The following PCDHGA2 variants were observed in gnomAD, a reference collection of about 807,000 sequenced individuals.
The protein encoded by PCDHGA2 is protocadherin gamma-A2.
Under a neutral mutation model 59.2 loss-of-function variants are expected in PCDHGA2, and 40 were observed. That is an observed-to-expected ratio of 0.68 (90% CI 0.52 to 0.88). The LOEUF (loss-of-function observed/expected upper bound fraction) is 0.88, where lower values mean the gene tolerates loss of function less well. Among genes scored for constraint, PCDHGA2 ranks in the 40% least tolerant of loss-of-function variants. PCDHGA2 has a pLI of 0.00. For missense variants in PCDHGA2, 1,226 were observed against 1,204.0 expected, an observed-to-expected ratio of 1.02 and a Z score of -0.27; for synonymous variants, 560 against 526.0, an observed-to-expected ratio of 1.06 and a Z score of -0.89.
chr5:141,423,656 A>G (rs988976310), intron 1 of PCDHGA2: 2 of 1,571,854 alleles, frequency 1.3e-6, no homozygotes, highest in African/African-American at 1.4e-5. Context: ...CCGACAAGTA[A>G]TCAGGTGAGA....
intron 1 of PCDHGA2, chr5:141,393,859 T>A (rs1348760722): frequency 1.9e-6 from 3 of 1,613,994 alleles, no homozygotes; most frequent in Non-Finnish European, 2.5e-6. Flanking sequence ...GAAGTGATCA[T>A]TACGTCTTTG....
intron 1 of PCDHGA2, chr5:141,412,426 A>G (rs1051574976): frequency 2.6e-5 from 4 of 152,234 alleles, no homozygotes; most frequent in African/African-American, 9.6e-5. Context: ...GTTTTACACA[A>G]AAAGGTTAAT....
At chr5:141,404,114 G>C (rs2094486353) in intron 1 of PCDHGA2, 4 of 1,613,348 alleles carry the variant, frequency 2.5e-6, no homozygotes, top group Non-Finnish European at 3.4e-6. Context: ...TTCTATCCAG[G>C]AGAATCTATC....
chr5:141,372,196 A>G lies in PCDHGA2; in HGVS notation c.2424+30801A>G, dbSNP rs1362728407. ...GCGGTGGACGCAGACTCGGGATACA[A>G]CGCCTGGCTGTCCTACCACATTGTG... On this transcript the variant is annotated intron_variant, in intron 1 of 3. Coordinates refer to ENST00000394576, the MANE Select transcript of PCDHGA2 (RefSeq NM_018915.4). 8 of 1,613,504 alleles carry G rather than the reference A, an allele frequency of 5.0e-6. No individual in the cohort carries two copies. The East Asian group carries it at 1.3e-4, about 27-fold the overall frequency.
At position 141,486,417 on chromosome 5, in the gene PCDHGA2, G is replaced by T. The variant is rs1298448753; in HGVS notation, c.2425-8390G>T. On this transcript the variant is annotated intron_variant, in intron 1 of 3. Transcript: ENST00000394576. The surrounding 1 kb of genome is among the most constrained non-coding windows in gnomAD (Gnocchi z 5.0). ...CTGGTGACTGCTGGACCCTTGGATCGAGAGGCCAAATCTAGCTATGACATC... is the reference window on the plus strand; with the variant it reads ...CTGGTGACTGCTGGACCCTTGGATCTAGAGGCCAAATCTAGCTATGACATC... The T allele has an allele frequency of 6.2e-7, 1 of 1,614,014 alleles. No homozygotes were observed. The highest frequency in any genetic ancestry group is 1.7e-5 in the Admixed American group (1 of 60,010).
intron 1 of PCDHGA2, chr5:141,375,613 C>T (rs770657408): frequency 1.2e-6 from 2 of 1,614,226 alleles, no homozygotes; most frequent in Non-Finnish European, 1.7e-6. Context: ...TCAACTCCGA[C>T]ACTGGGATTC....
chr5:141,421,574 A>C, intron 1 of PCDHGA2: 1 of 1,613,924 alleles, frequency 6.2e-7, no homozygotes. Flanking sequence ...GACACCTTGA[A>C]GATTTACGGA....
chr5:141,469,395 T>G lies in PCDHGA2; in HGVS notation c.2425-25412T>G, dbSNP rs1332746609. ...ATCGAGACCATCCTGGCCAACATGG[T>G]GAAACCCCGTTTCTACTAAAAATAT... On this transcript the variant is annotated intron_variant, in intron 1 of 3. Transcript: ENST00000394576. Among the ~76,000 whole-genome samples, 6 of 152,194 alleles carry G rather than the reference T, an allele frequency of 3.9e-5. No homozygotes were observed. The East Asian group carries it at 1.2e-3, about 29-fold the overall frequency.
intron 1 of PCDHGA2, among the ~76,000 whole-genome samples, chr5:141,346,841 A>C (rs1757815413): frequency 6.6e-6 from 1 of 152,198 alleles, no homozygotes; most frequent in Non-Finnish European, 1.5e-5. Context: ...GGCCTTTTTC[A>C]TTTTAAATCC....
At chr5:141,481,282 T>C (rs2099534931) in intron 1 of PCDHGA2, among the ~76,000 whole-genome samples, 1 of 152,148 alleles carries the variant, frequency 6.6e-6, no homozygotes, top group African/African-American at 2.4e-5. Flanking sequence ...CATAAAATGG[T>C]ATTTCAGTCA....
At chr5:141,383,656 G>A in intron 1 of PCDHGA2, 1 of 1,614,008 alleles carries the variant, frequency 6.2e-7, no homozygotes, top group South Asian at 1.1e-5. Context: ...AACTGTCCCC[G>A]AGAATGTGCC....
intron 1 of PCDHGA2, chr5:141,384,884 T>C (rs759644846): frequency 6.2e-7 from 1 of 1,613,846 alleles, no homozygotes; most frequent in East Asian, 2.2e-5. Context: ...ACACTCACCG[T>C]GGCTGTGGCT....
Position 141,415,114 on chromosome 5 carries a change from G to A in PCDHGA2, c.2424+73719G>A, listed in dbSNP as rs186848544. On this transcript the variant is annotated intron_variant, in intron 1 of 3. Transcript: ENST00000394576. Reference sequence around the variant, plus strand: ...CAGAGACGCGCTCAAGCAAAGCCTCGTAGTGGCCGTCCAGGACCACGGCCA... The same window carrying A: ...CAGAGACGCGCTCAAGCAAAGCCTCATAGTGGCCGTCCAGGACCACGGCCA... 1.7e-5 allele frequency: 28 copies of A among 1,613,646 alleles called. No homozygotes were observed. In the African/African-American group the frequency reaches 2.7e-4, roughly 15 times the overall value.
At chr5:141,413,406 G>A (rs2095636376) in intron 1 of PCDHGA2, 1 of 1,613,950 alleles carries the variant, frequency 6.2e-7, no homozygotes, top group Non-Finnish European at 8.5e-7. Context: ...GTAGGACGCA[G>A]CTTTTCTCTC....
chr5:141,447,848 G>A (rs539844218), intron 1 of PCDHGA2, among the ~76,000 whole-genome samples: 46 of 152,302 alleles, frequency 3.0e-4, no homozygotes, highest in East Asian at 2.7e-3. Context: ...TGCTTTGGGA[G>A]GCCGAGGTGG....
At chr5:141,350,261 A>T in intron 1 of PCDHGA2, 1 of 1,510,486 alleles carries the variant, frequency 6.6e-7, no homozygotes, top group Non-Finnish European at 8.8e-7. Context: ...AGTTCCTGAA[A>T]TGCAGAGAGC....
At chr5:141,510,579 C>T (rs2099881748) in intron 3 of PCDHGA2, among the ~76,000 whole-genome samples, 1 of 152,170 alleles carries the variant, frequency 6.6e-6, no homozygotes, top group Non-Finnish European at 1.5e-5. Flanking sequence ...CACTATTTTA[C>T]GTACCTGACA....
intron 1 of PCDHGA2, chr5:141,422,754 C>T: frequency 1.2e-6 from 2 of 1,612,450 alleles, no homozygotes; most frequent in Non-Finnish European, 1.7e-6. Flanking sequence ...TCTCTATTAA[C>T]TCCAACACTG....
intron 1 of PCDHGA2, chr5:141,409,997 G>C: frequency 1.2e-6 from 2 of 1,613,224 alleles, no homozygotes; most frequent in South Asian, 2.2e-5. Context: ...CGCCGACTCG[G>C]GACACAACGC....
Sources: gnomAD v4.1 joint callset for allele counts (sites outside exome capture counted in the v4.1 genomes callset) on GRCh38, gnomAD v4.1.1 for gene constraint, Gnocchi (gnomAD v3.1) non-coding constraint, MANE v1.5 for transcripts, NCBI Gene and HGNC (gene_info 2026-07-23, HGNC 2026-07-21) for gene names.